The following TMEM87A variants were observed in gnomAD, a reference collection of about 807,000 sequenced individuals.
TMEM87A encodes the protein transmembrane protein 87A, also known as Golgi-pH regulating cation channel.
Under a neutral mutation model 90.0 loss-of-function variants are expected in TMEM87A, and 50 were observed. The observed-to-expected ratio is 0.56, with a 90% confidence interval of 0.44 to 0.70. TMEM87A has a LOEUF of 0.70. Ranked by LOEUF, TMEM87A falls within the 30% of genes least tolerant of loss-of-function variation. The pLI is 0.00. For missense variants in TMEM87A, 577 were observed against 660.5 expected (o/e 0.87, Z 1.39); for synonymous variants, 226 against 226.7 (o/e 1.00, Z 0.03).
chr15:42,236,178 T>C (rs756389177), intron 10 of TMEM87A, 142 bp downstream of exon 10: 32 of 729,572 alleles, frequency 4.4e-5, no homozygotes, highest in Non-Finnish European at 6.7e-5. Flanking sequence ...TTTACAATGC[T>C]ACAAAATTTC....
chr15:42,246,077 T>C (rs2050966604), intron 6 of TMEM87A, among the ~76,000 whole-genome samples: 1 of 152,234 alleles, frequency 6.6e-6, no homozygotes, highest in Non-Finnish European at 1.5e-5. Context: ...CTGTCACCAC[T>C]TGCAACTACT....
intron 6 of TMEM87A, among the ~76,000 whole-genome samples, chr15:42,245,680 A>C (rs2140954524): frequency 6.6e-6 from 1 of 151,804 alleles, no homozygotes; most frequent in South Asian, 2.1e-4. Context: ...GCATGACACC[A>C]CACCCAGCTA....
At chr15:42,248,725 G>A (rs142853802) in intron 6 of TMEM87A, among the ~76,000 whole-genome samples, 16 of 152,312 alleles carry the variant, frequency 1.1e-4, no homozygotes, top group African/African-American at 3.8e-4. Flanking sequence ...GTTCATCGGG[G>A]ATAGTGGTCT....
intron 4 of TMEM87A, 93 bp from the exon 5 acceptor site, chr15:42,261,342 AC>A: frequency 1.0e-6 from 1 of 970,036 alleles, no homozygotes; most frequent in African/African-American, 1.7e-5. Flanking sequence ...AGAACAAAAC[AC>A]CACACCCTAA....
intron 6 of TMEM87A, among the ~76,000 whole-genome samples, chr15:42,245,691 A>G (rs1595731261): frequency 6.9e-6 from 1 of 145,386 alleles, no homozygotes; most frequent in African/African-American, 2.5e-5. Flanking sequence ...CACCCAGCTA[A>G]TTTTTTTTTT....
chr15:42,227,705 A>C lies in TMEM87A; in HGVS notation c.1299+6T>G. ...TACATTATTCATAAATGTGCTTATA[A>C]CTCACCGACTGACATGTCACTATTC... On this transcript the variant is annotated splice_donor_region_variant and intron_variant, in intron 14 of 19. Transcript: ENST00000389834. The C allele has an allele frequency of 6.2e-7, 1 of 1,612,786 alleles. No individual in the cohort carries two copies. Among genetic ancestry groups the C allele is most frequent in the Non-Finnish European group, 8.5e-7 (1 of 1,178,900 alleles).
At chr15:42,267,045 C>G (rs771001058) in intron 3 of TMEM87A, among the ~76,000 whole-genome samples, 2 of 152,114 alleles carry the variant, frequency 1.3e-5, no homozygotes, top group Non-Finnish European at 2.9e-5. Flanking sequence ...AGATTTCAAG[C>G]AAAAACTGGA....
intron 11 of TMEM87A, among the ~76,000 whole-genome samples, chr15:42,232,474 A>AT (rs532741688): frequency 7.3e-5 from 11 of 150,800 alleles, no homozygotes; most frequent in East Asian, 3.9e-4. Context: ...CATTAGCTGC[A>AT]TTTTTTTTTC....
intron 3 of TMEM87A, 63 bp from the exon 4 acceptor site, chr15:42,264,266 C>G (rs2051354725): frequency 2.6e-6 from 3 of 1,140,018 alleles, no homozygotes; most frequent in Non-Finnish European, 3.9e-6. Flanking sequence ...ACTAAGAGCA[C>G]AGCACAACAA....
chr15:42,259,201 C>T (rs576987865), intron 6 of TMEM87A, among the ~76,000 whole-genome samples: 2 of 152,244 alleles, frequency 1.3e-5, no homozygotes, highest in South Asian at 4.1e-4. Flanking sequence ...CGGCTCATTG[C>T]AGCCTCCACC....
intron 6 of TMEM87A, among the ~76,000 whole-genome samples, chr15:42,259,593 G>A (rs924248961): frequency 1.3e-5 from 2 of 152,168 alleles, no homozygotes; most frequent in African/African-American, 4.8e-5. Context: ...CTTACCAACT[G>A]AGGCTATTAA....
rs192801901 is a variant in TMEM87A, at chr15:42,254,021, A to C, written c.504+6937T>G. ...TTAACTACCATCTCAACTATTAATT[A>C]TTTTGTTCTCCATAACAAAACTATT... On this transcript the variant is annotated intron_variant, in intron 6 of 19. Coordinates refer to ENST00000389834, the MANE Select transcript of TMEM87A (RefSeq NM_015497.5). Among the ~76,000 whole-genome samples the C allele has an allele frequency of 1.1e-3, 162 of 151,576 alleles. 1 individual carries two copies. The highest frequency in any genetic ancestry group is 3.8e-3 in the African/African-American group (156 of 41,328).
At chr15:42,242,827 T>C (rs1277707537) in intron 7 of TMEM87A, among the ~76,000 whole-genome samples, 1 of 152,124 alleles carries the variant, frequency 6.6e-6, no homozygotes, top group South Asian at 2.1e-4. Context: ...GAAAGGAACA[T>C]CTTTAACCAA....
chr15:42,254,784 T>A (rs1004122844), intron 6 of TMEM87A, among the ~76,000 whole-genome samples: 3 of 152,216 alleles, frequency 2.0e-5, no homozygotes, highest in African/African-American at 7.2e-5. Context: ...GGTGAAGATG[T>A]CTTTACACAT....
intron 6 of TMEM87A, chr15:42,258,638 G>C (rs1456875739): frequency 1.2e-6 from 1 of 847,742 alleles, no homozygotes; most frequent in Non-Finnish European, 1.5e-6. Flanking sequence ...CATTGGCCAA[G>C]CTGGTCTCGA....
chr15:42,268,463 C>T (rs1331957128), intron 2 of TMEM87A, among the ~76,000 whole-genome samples: 3 of 151,850 alleles, frequency 2.0e-5, no homozygotes, highest in African/African-American at 7.3e-5. Context: ...AGCCCAGGAG[C>T]TCAAGACCAC....
At chr15:42,251,074 T>C (rs921780181) in intron 6 of TMEM87A, among the ~76,000 whole-genome samples, 20 of 152,218 alleles carry the variant, frequency 1.3e-4, no homozygotes, top group Admixed American at 5.2e-4. Context: ...TCTCGTGCCA[T>C]GGTTTTCAGC....
Position 42,218,398 on chromosome 15 carries a change from A to G in TMEM87A, c.1540-20T>C. 1 of 1,611,762 alleles carries G rather than the reference A, an allele frequency of 6.2e-7. No homozygotes were observed. ...TTCCTGCTGGGAACATACAAATACCACTCATTACTAAAATGCACCACATAA... is the reference window on the plus strand; with the variant it reads ...TTCCTGCTGGGAACATACAAATACCGCTCATTACTAAAATGCACCACATAA... On this transcript the variant is annotated intron_variant, in intron 17 of 19. Transcript: ENST00000389834.
intron 6 of TMEM87A, among the ~76,000 whole-genome samples, chr15:42,260,021 T>C (rs1223504068): frequency 6.6e-6 from 1 of 152,210 alleles, no homozygotes; most frequent in Non-Finnish European, 1.5e-5. Context: ...TAGCGATTGG[T>C]GCTTGCACAA....
Sources: gnomAD v4.1 joint callset for allele counts (sites outside exome capture counted in the v4.1 genomes callset) on GRCh38, gnomAD v4.1.1 for gene constraint, MANE v1.5 for transcripts, NCBI Gene and HGNC (gene_info 2026-07-23, HGNC 2026-07-21) for gene names.